RANBP10: variants seen among roughly 807,000 people sequenced by gnomAD.
RANBP10 encodes the protein RAN binding protein 10.
A neutral mutation model predicts 72.8 loss-of-function variants in RANBP10; 24 were observed. That is an observed-to-expected ratio of 0.33 (90% CI 0.24 to 0.46). The LOEUF (loss-of-function observed/expected upper bound fraction) is 0.46, where lower values mean the gene tolerates loss of function less well. RANBP10 is among the 20% of genes least tolerant of loss of function. RANBP10 has a pLI of 1.00. For synonymous variants in RANBP10, 310 were observed against 322.3 expected (o/e 0.96, Z 0.41); for missense variants, 679 against 817.5 (o/e 0.83, Z 2.07).
chr16:67,766,500 G>A (rs916421064), intron 3 of RANBP10, among the ~76,000 whole-genome samples: 5 of 152,020 alleles, frequency 3.3e-5, no homozygotes, highest in South Asian at 4.2e-4. Flanking sequence ...CCCTCCCAGC[G>A]GTAATTAGTT....
intron 13 of RANBP10, among the ~76,000 whole-genome samples, 172 bp downstream of exon 13, chr16:67,727,155 G>A (rs1348214711): frequency 1.3e-5 from 2 of 152,212 alleles, no homozygotes; most frequent in South Asian, 2.1e-4. Context: ...CTAGCCAGGC[G>A]TGGTGGCACG....
At chr16:67,757,165 G>A (rs149989948) in intron 3 of RANBP10, among the ~76,000 whole-genome samples, 6 of 152,302 alleles carry the variant, frequency 3.9e-5, no homozygotes, top group South Asian at 2.1e-4. Flanking sequence ...CCAAGATGGC[G>A]CCATTGCACT....
intron 2 of RANBP10, among the ~76,000 whole-genome samples, chr16:67,772,694 C>T (rs1008708644): frequency 1.3e-5 from 2 of 152,170 alleles, no homozygotes; most frequent in African/African-American, 2.4e-5. Flanking sequence ...ACTCCTCCCA[C>T]TCTTTGAAGA....
chr16:67,765,862 A>C (rs1288455294), intron 3 of RANBP10, among the ~76,000 whole-genome samples: 6 of 151,836 alleles, frequency 4.0e-5, no homozygotes, highest in Admixed American at 3.9e-4. Context: ...TAAATAAATA[A>C]ATAAGTCAGA....
Position 67,764,577 on chromosome 16 carries a change from T to C in RANBP10, c.400+7457A>G, listed in dbSNP as rs541100958. On this transcript the variant is annotated intron_variant, in intron 3 of 13. Transcript: ENST00000317506. ...CGTAGCTTGCAGTCTAATAATCTACTGTGAAGACACCAAGTCCAGCTGAAT... is the reference window on the plus strand; with the variant it reads ...CGTAGCTTGCAGTCTAATAATCTACCGTGAAGACACCAAGTCCAGCTGAAT... Among the ~76,000 whole-genome samples, 142 of 152,338 alleles carry C rather than the reference T, an allele frequency of 9.3e-4. 1 individual carries two copies. Among genetic ancestry groups the C allele is most frequent in the Non-Finnish European group, 1.5e-3 (105 of 68,038 alleles).
At chr16:67,762,109 CA>C (rs1177475315) in intron 3 of RANBP10, among the ~76,000 whole-genome samples, 2 of 151,914 alleles carry the variant, frequency 1.3e-5, no homozygotes, top group African/African-American at 2.4e-5. Context: ...AACAAACAAA[CA>C]AAAATTAGCC....
At chr16:67,765,849 T>TAATA (rs1353122354) in intron 3 of RANBP10, among the ~76,000 whole-genome samples, 2 of 151,448 alleles carry the variant, frequency 1.3e-5, no homozygotes, top group Non-Finnish European at 1.5e-5. Context: ...AAATAAATTA[T>TAATA]AATAAATAAA....
At chr16:67,785,217 T>C (rs2054893581) in intron 2 of RANBP10, among the ~76,000 whole-genome samples, 1 of 141,062 alleles carries the variant, frequency 7.1e-6, no homozygotes, top group Admixed American at 7.1e-5. Flanking sequence ...GTCTCAAAAA[T>C]AAATAAATAA....
chr16:67,758,106 C>A (rs901302526), intron 3 of RANBP10, among the ~76,000 whole-genome samples: 1 of 152,212 alleles, frequency 6.6e-6, no homozygotes, highest in Non-Finnish European at 1.5e-5. Context: ...AGATCACACC[C>A]TCCCCACTCA....
At position 67,729,140 on chromosome 16, in the gene RANBP10, G is replaced by A; in HGVS notation, c.1352+140C>T. 2 of 1,455,022 alleles carry A rather than the reference G, an allele frequency of 1.4e-6. No individual in the cohort carries two copies. The highest frequency in any genetic ancestry group is 1.8e-6 in the Non-Finnish European group (2 of 1,083,456). The allele number at this position is 1,455,022 out of a possible 1,614,324, so 90.1% of individuals were successfully genotyped here. On this transcript the variant is annotated intron_variant, in intron 10 of 13. Coordinates refer to ENST00000317506, the MANE Select transcript of RANBP10 (RefSeq NM_020850.3). The surrounding 1 kb of genome is among the most constrained non-coding windows in gnomAD (Gnocchi z 7.1). ...GAAGCCAGAGCTGATGTCTGGCCCG[G>A]TGGGCCAAAAATTAGGACTCCAGGC...
At chr16:67,784,374 A>C (rs1009327813) in intron 2 of RANBP10, among the ~76,000 whole-genome samples, 2 of 152,132 alleles carry the variant, frequency 1.3e-5, no homozygotes, top group Admixed American at 6.6e-5. Flanking sequence ...ATACAAAATT[A>C]GGCCAGGCCT....
At chr16:67,770,609 G>A (rs528602438) in intron 3 of RANBP10, among the ~76,000 whole-genome samples, 2 of 152,252 alleles carry the variant, frequency 1.3e-5, no homozygotes, top group South Asian at 4.1e-4. Context: ...TGTCAGGGAA[G>A]CCTGGATCAT....
At chr16:67,781,625 GGT>G (rs1299319388) in intron 2 of RANBP10, among the ~76,000 whole-genome samples, 2 of 152,156 alleles carry the variant, frequency 1.3e-5, no homozygotes. Flanking sequence ...ATGCCAGAGA[GGT>G]GAGACAGGAA....
intron 7 of RANBP10, 121 bp downstream of exon 7, chr16:67,731,351 A>T (rs906987548): frequency 2.6e-6 from 2 of 764,880 alleles, no homozygotes; most frequent in African/African-American, 3.5e-5. Flanking sequence ...TCGAGCTGCA[A>T]GCTGGTCATG....
chr16:67,788,856 C>T (rs2054971163), intron 2 of RANBP10, among the ~76,000 whole-genome samples: 1 of 151,154 alleles, frequency 6.6e-6, no homozygotes, highest in African/African-American at 2.4e-5. Context: ...AAAAATTAGC[C>T]AGGTGTGGTG....
intron 3 of RANBP10, among the ~76,000 whole-genome samples, chr16:67,768,523 AAAAAAT>A (rs200140407): frequency 3.4e-4 from 51 of 151,702 alleles, no homozygotes; most frequent in African/African-American, 5.3e-4. Context: ...TCTGTCTCAA[AAAAAAT>A]AAAAATAAAA....
chr16:67,759,980 G>T (rs1433329249), intron 3 of RANBP10, among the ~76,000 whole-genome samples: 1 of 151,926 alleles, frequency 6.6e-6, no homozygotes, highest in African/African-American at 2.4e-5. Flanking sequence ...GGCGCCTGTA[G>T]TCCCAGCTAC....
chr16:67,782,791 T>TCAAGAGCCA (rs2054837727), intron 2 of RANBP10, among the ~76,000 whole-genome samples: 1 of 152,264 alleles, frequency 6.6e-6, no homozygotes, highest in African/African-American at 2.4e-5. Context: ...AAAGCCACTT[T>TCAAGAGCCA]TAAGAGCCAT....
At chr16:67,788,107 G>A (rs2054949794) in intron 2 of RANBP10, among the ~76,000 whole-genome samples, 1 of 152,062 alleles carries the variant, frequency 6.6e-6, no homozygotes, top group African/African-American at 2.4e-5. Flanking sequence ...AAAGTGCTGG[G>A]ATTACAGGCG....
Sources: allele counts gnomAD v4.1 joint callset (sites outside exome capture counted in the v4.1 genomes callset), GRCh38; gene constraint gnomAD v4.1.1; non-coding constraint Gnocchi (gnomAD v3.1); transcripts MANE v1.5; gene names NCBI Gene and HGNC (gene_info 2026-07-23, HGNC 2026-07-21).